Variants in SH3KBP1 observed in about 807,000 individuals in gnomAD.
The protein encoded by SH3KBP1 is SH3 domain-containing kinase-binding protein 1.
A neutral mutation model predicts 50.1 loss-of-function variants in SH3KBP1; 8 were observed. That is an observed-to-expected ratio of 0.16 (90% CI 0.09 to 0.29). The LOEUF (loss-of-function observed/expected upper bound fraction) is 0.29. Among genes scored for constraint, SH3KBP1 ranks in the 10% least tolerant of loss-of-function variants. SH3KBP1 has a pLI of 1.00. For synonymous variants in SH3KBP1, 227 were observed against 218.6 expected (o/e 1.04, Z -0.34); for missense variants, 377 against 535.2 (o/e 0.70, Z 2.92).
At chrX:19,540,774 A>G (rs868515065) in intron 16 of SH3KBP1, among the ~76,000 whole-genome samples, 1 of 111,868 alleles carries the variant, frequency 8.9e-6, no homozygotes, top group Non-Finnish European at 1.9e-5. Context: ...CTGCTGGAGT[A>G]GTGTGCTCTT....
rs914493850 is a variant in SH3KBP1 at position 19,746,394 on chromosome X, T to G, written c.210A>C (p.Pro70=). The part of the protein sequence containing the change: ...MKKDPLTNKA[P]EKPLHEVPSG... ...TGGGCACTTCGTGCAGGGGCTTTTC[T>G]GGAGCTTTGTTGGTGAGAGGGTCTT... Residue 70 remains proline (P), a synonymous_variant, in exon 3 of 18, where the codon CCA becomes CCC. Transcript: ENST00000397821. 16 of 1,204,470 alleles carry G rather than the reference T, an allele frequency of 1.3e-5. No homozygotes were observed. In the Middle Eastern group the frequency reaches 1.4e-3, roughly 104 times the overall value.
At chrX:19,628,089 G>A (rs1037612579) in intron 8 of SH3KBP1, among the ~76,000 whole-genome samples, 2 of 112,223 alleles carry the variant, frequency 1.8e-5, no homozygotes, top group Non-Finnish European at 3.8e-5. Flanking sequence ...TACAGGCTCC[G>A]ACTCCATTCT....
chrX:19,691,626 A>G (rs1455216484), intron 5 of SH3KBP1, among the ~76,000 whole-genome samples: 1 of 109,753 alleles, frequency 9.1e-6, no homozygotes, highest in Non-Finnish European at 1.9e-5. Flanking sequence ...AAAAGGAGAT[A>G]TGAAGGAGAA....
intron 13 of SH3KBP1, among the ~76,000 whole-genome samples, chrX:19,559,097 G>A (rs1368379919): frequency 9.5e-6 from 1 of 105,032 alleles, no homozygotes; most frequent in South Asian, 4.5e-4. Flanking sequence ...GTGAAACCCC[G>A]TCTCTACTAA....
In SH3KBP1 at chrX:19,760,421, C is replaced by CATAT; in HGVS notation, c.163-13981_163-13980insATAT. On this transcript the variant is annotated intron_variant, in intron 2 of 17. Coordinates refer to ENST00000397821, the MANE Select transcript of SH3KBP1 (RefSeq NM_031892.3). Reference sequence around the variant, plus strand: ...AAATACATACATACATACATACATACATACATACATACATACATACATACA... The same window carrying CATAT: ...AAATACATACATACATACATACATACATATATACATACATACATACATACATACA... Among the ~76,000 whole-genome samples, 4 of 108,107 alleles carry CATAT rather than the reference C, an allele frequency of 3.7e-5. No homozygotes were observed. In the Admixed American group the frequency reaches 4.0e-4, roughly 11 times the overall value. The allele number at this position is 108,107 out of a possible 115,157, so 93.9% of individuals were successfully genotyped here. A position where few individuals can be genotyped will look rare whatever the true frequency, so the allele number is the denominator to read the frequency against.
At chrX:19,757,370 G>T in intron 2 of SH3KBP1, among the ~76,000 whole-genome samples, 1 of 109,548 alleles carries the variant, frequency 9.1e-6, no homozygotes, top group Non-Finnish European at 1.9e-5. Flanking sequence ...TTACCCTAAG[G>T]TGTTTCTCTT....
At chrX:19,679,549 T>C (rs996150795) in intron 6 of SH3KBP1, among the ~76,000 whole-genome samples, 1 of 112,164 alleles carries the variant, frequency 8.9e-6, no homozygotes, top group Non-Finnish European at 1.9e-5. Context: ...TTTCCATTAT[T>C]TTGATACAGC....
intron 2 of SH3KBP1, chrX:19,799,825 G>A (rs748504504): frequency 2.6e-4 from 283 of 1,083,076 alleles, no homozygotes; most frequent in Non-Finnish European, 3.3e-4. Context: ...TACCCAACCC[G>A]CCTGCCCCTC....
intron 7 of SH3KBP1, among the ~76,000 whole-genome samples, chrX:19,636,364 C>T (rs1022109181): frequency 2.0e-4 from 22 of 108,034 alleles, no homozygotes; most frequent in African/African-American, 7.4e-4. Flanking sequence ...ACAAACCATA[C>T]ACACACACAC....
chrX:19,856,951 CTTTTTTTTTTTTTTTTTTTTT>C (rs758486199), intron 1 of SH3KBP1, among the ~76,000 whole-genome samples: 4 of 20,042 alleles, frequency 2.0e-4, no homozygotes, highest in Non-Finnish European at 2.0e-4. Flanking sequence ...TAATACTAGT[CTTTTTTTTTTTTTTTTTTTTT>C]TTTTTTTTTT....
chrX:19,599,488 C>T (rs2067011750), intron 9 of SH3KBP1, among the ~76,000 whole-genome samples: 1 of 111,796 alleles, frequency 8.9e-6, no homozygotes, highest in Admixed American at 9.5e-5. Flanking sequence ...AAGTTTTGTT[C>T]GGAAACCCGG....
chrX:19,659,909 G>A (rs971300942), intron 6 of SH3KBP1, among the ~76,000 whole-genome samples: 14 of 112,670 alleles, frequency 1.2e-4, no homozygotes, highest in Admixed American at 9.4e-5. Context: ...TGCTGGAGGA[G>A]GAGGACTGGG....
intron 2 of SH3KBP1, among the ~76,000 whole-genome samples, chrX:19,802,993 C>G (rs1461350204): frequency 9.0e-6 from 1 of 111,167 alleles, no homozygotes; most frequent in Non-Finnish European, 1.9e-5. Context: ...GGAGTCCTTG[C>G]TCTCATCCAC....
chrX:19,857,984 G>T (rs927209178), intron 1 of SH3KBP1, among the ~76,000 whole-genome samples: 1 of 110,657 alleles, frequency 9.0e-6, no homozygotes. Context: ...TTCGAGACCA[G>T]CCTGGCCAAC....
intron 16 of SH3KBP1, among the ~76,000 whole-genome samples, chrX:19,540,160 A>T (rs772018886): frequency 9.0e-6 from 1 of 111,321 alleles, no homozygotes; most frequent in East Asian, 2.8e-4. Flanking sequence ...GGGTACCTAA[A>T]TGAGTAACCT....
intron 2 of SH3KBP1, among the ~76,000 whole-genome samples, chrX:19,770,767 G>A (rs902624476): frequency 2.8e-5 from 3 of 108,350 alleles, no homozygotes; most frequent in African/African-American, 1.0e-4. Flanking sequence ...GTACCTCACT[G>A]TGGTTTTGAT....
intron 4 of SH3KBP1, 21 bp from the exon 5 acceptor site, chrX:19,695,762 G>A: frequency 8.3e-7 from 1 of 1,207,647 alleles, no homozygotes; most frequent in Middle Eastern, 2.3e-4. Flanking sequence ...ACAAACAAAA[G>A]AGCAGAGATA....
intron 13 of SH3KBP1, among the ~76,000 whole-genome samples, chrX:19,562,226 A>T (rs978517871): frequency 1.8e-5 from 2 of 111,931 alleles, no homozygotes; most frequent in African/African-American, 3.3e-5. Context: ...TTAATGTGAC[A>T]AAGGGATGCC....
chrX:19,674,793 A>G (rs756876711), intron 6 of SH3KBP1, among the ~76,000 whole-genome samples: 1 of 111,632 alleles, frequency 9.0e-6, no homozygotes, highest in Non-Finnish European at 1.9e-5. Flanking sequence ...TAAAAAATTA[A>G]AGAGGCCAGG....
Sources: gnomAD v4.1 joint callset for allele counts (sites outside exome capture counted in the v4.1 genomes callset) on GRCh38, gnomAD v4.1.1 for gene constraint, MANE v1.5 for transcripts, NCBI Gene and HGNC (gene_info 2026-07-23, HGNC 2026-07-21) for gene names.